The following ZNF831 variants were observed in gnomAD, a reference collection of about 807,000 sequenced individuals.
The protein encoded by ZNF831 is chromosome 20 open reading frame 174.
Under a neutral mutation model 95.8 loss-of-function variants are expected in ZNF831, and 59 were observed. The observed-to-expected ratio is 0.62, with a 90% CI of 0.50 to 0.77. ZNF831 has a LOEUF of 0.77. Among genes scored for constraint, ZNF831 ranks in the 30% least tolerant of loss-of-function variants. The probability of loss-of-function intolerance (pLI) is 0.00; values close to 1 mark genes in which losing one functional copy is unlikely to be tolerated. For missense variants in ZNF831, 2,205 were observed against 2,164.0 expected (o/e 1.02, Z -0.38); for synonymous variants, 961 against 925.5 (o/e 1.04, Z -0.70).
At chr20:59,241,688 T>C (rs1383681793) in intron 4 of ZNF831, among the ~76,000 whole-genome samples, 1 of 152,246 alleles carries the variant, frequency 6.6e-6, no homozygotes. Context: ...CTCAGTCCTC[T>C]TGTCTTAAAC....
intron 4 of ZNF831, among the ~76,000 whole-genome samples, chr20:59,233,812 G>C (rs1012789789): frequency 3.3e-5 from 5 of 152,104 alleles, no homozygotes; most frequent in Non-Finnish European, 5.9e-5. Context: ...AATTTTCTTG[G>C]GGATCAGAGC....
intron 4 of ZNF831, among the ~76,000 whole-genome samples, chr20:59,230,514 A>C (rs1248852190): frequency 6.6e-6 from 1 of 152,204 alleles, no homozygotes; most frequent in Non-Finnish European, 1.5e-5. Flanking sequence ...AAATAGAAAT[A>C]AACAAATGGA....
At chr20:59,212,300 G>A (rs1225911964) in intron 4 of ZNF831, among the ~76,000 whole-genome samples, 1 of 152,166 alleles carries the variant, frequency 6.6e-6, no homozygotes, top group Admixed American at 6.5e-5. Context: ...GAAGTCATCT[G>A]TAAGCAGAAG....
intron 4 of ZNF831, among the ~76,000 whole-genome samples, chr20:59,247,365 C>T (rs1987667866): frequency 1.3e-5 from 2 of 152,164 alleles, no homozygotes; most frequent in Admixed American, 6.5e-5. Flanking sequence ...ATTTCTCCCC[C>T]GTTGAACTAT....
intron 1 of ZNF831, among the ~76,000 whole-genome samples, chr20:59,135,590 G>C (rs1326762311): frequency 1.3e-5 from 2 of 152,136 alleles, no homozygotes; most frequent in Non-Finnish European, 2.9e-5. Context: ...AATTAGCCAG[G>C]CGTGGTGGCG....
chr20:59,128,207 G>A (rs1419251732), intron 1 of ZNF831, among the ~76,000 whole-genome samples: 1 of 152,228 alleles, frequency 6.6e-6, no homozygotes, highest in African/African-American at 2.4e-5. Context: ...TAGTCACAGT[G>A]AGGAGGGATA....
At chr20:59,196,665 C>A (rs997094660) in intron 3 of ZNF831, among the ~76,000 whole-genome samples, 2 of 152,200 alleles carry the variant, frequency 1.3e-5, no homozygotes, top group African/African-American at 4.8e-5. Context: ...CTCTCCTGCT[C>A]GCCCTCCACC....
chr20:59,171,298 A>T (rs1234649328), intron 1 of ZNF831, among the ~76,000 whole-genome samples: 2 of 152,218 alleles, frequency 1.3e-5, no homozygotes, highest in Admixed American at 1.3e-4. Flanking sequence ...TCCACTTTAA[A>T]GGAGAAAATC....
intron 4 of ZNF831, among the ~76,000 whole-genome samples, chr20:59,212,265 T>C (rs189834770): frequency 6.6e-6 from 1 of 152,262 alleles, no homozygotes; most frequent in East Asian, 1.9e-4. Flanking sequence ...TTCTAATCAT[T>C]TGAATTAACA....
chr20:59,180,743 A>G (rs529156468), intron 1 of ZNF831, among the ~76,000 whole-genome samples: 1 of 152,294 alleles, frequency 6.6e-6, no homozygotes, highest in African/African-American at 2.4e-5. Flanking sequence ...CATGGTGTAT[A>G]TGTGCCACAT....
upstream of ZNF831, among the ~76,000 whole-genome samples, chr20:59,159,090 C>G (rs1980700032): frequency 6.6e-6 from 1 of 152,038 alleles, no homozygotes; most frequent in Admixed American, 6.6e-5. Context: ...ATTATTATAG[C>G]TTGGGACAAA....
At chr20:59,180,236 T>C (rs1427282430) in intron 1 of ZNF831, among the ~76,000 whole-genome samples, 1 of 152,110 alleles carries the variant, frequency 6.6e-6, no homozygotes, top group Non-Finnish European at 1.5e-5. Flanking sequence ...CACAGGCGTG[T>C]ACCACCATGC....
At chr20:59,207,135 A>T (rs2146638152) in intron 4 of ZNF831, 79 bp downstream of exon 4, 1 of 1,549,888 alleles carries the variant, frequency 6.5e-7, no homozygotes. Context: ...GGGATTTGGG[A>T]TGGGCAGGAG....
At chr20:59,137,404 G>A (rs1245136309) in intron 1 of ZNF831, among the ~76,000 whole-genome samples, 1 of 151,914 alleles carries the variant, frequency 6.6e-6, no homozygotes, top group Non-Finnish European at 1.5e-5. Context: ...TGGAGAACAG[G>A]GAGTGCCAAG....
At chr20:59,198,595 A>G (rs1031696648) in intron 3 of ZNF831, among the ~76,000 whole-genome samples, 4 of 152,192 alleles carry the variant, frequency 2.6e-5, no homozygotes, top group African/African-American at 9.7e-5. Context: ...TCCACTCAAC[A>G]AATCACGACA....
chr20:59,200,968 A>G (rs528314056), intron 3 of ZNF831, among the ~76,000 whole-genome samples: 76 of 152,222 alleles, frequency 5.0e-4, no homozygotes, highest in Non-Finnish European at 9.6e-4. Flanking sequence ...TTGTATGGAC[A>G]TATGCTTTAA....
At chr20:59,182,139 C>T (rs932053017) in intron 1 of ZNF831, among the ~76,000 whole-genome samples, 17 of 152,244 alleles carry the variant, frequency 1.1e-4, no homozygotes, top group Admixed American at 2.6e-4. Flanking sequence ...CTCCCTGCTG[C>T]GTGGATTAGA....
At chr20:59,166,975 C>T (rs1202516378) in intron 1 of ZNF831, among the ~76,000 whole-genome samples, 1 of 152,150 alleles carries the variant, frequency 6.6e-6, no homozygotes, top group African/African-American at 2.4e-5. Context: ...ATAATAGTCC[C>T]ATGTTTGATT....
chr20:59,229,817 G>A (rs1986629816), intron 4 of ZNF831, among the ~76,000 whole-genome samples: 1 of 152,158 alleles, frequency 6.6e-6, no homozygotes. Context: ...GGGAAGGAAA[G>A]AACCTGAAGC....
Sources: gnomAD v4.1 joint callset for allele counts (sites outside exome capture counted in the v4.1 genomes callset) on GRCh38, gnomAD v4.1.1 for gene constraint, MANE v1.5 for transcripts, NCBI Gene and HGNC (gene_info 2026-07-23, HGNC 2026-07-21) for gene names.